The following VCL variants were observed in gnomAD, a reference collection of about 807,000 sequenced individuals.
The protein encoded by VCL is epididymis luminal protein 114.
VCL carries 47 observed loss-of-function variants against 125.7 expected under a neutral mutation model. The observed-to-expected ratio is 0.37, with a 90% CI of 0.30 to 0.48. The LOEUF is 0.48. VCL is among the 20% of genes least tolerant of loss of function. The probability of loss-of-function intolerance (pLI) is 0.99; values close to 1 mark genes in which losing one functional copy is unlikely to be tolerated. For synonymous variants in VCL, 458 were observed against 514.6 expected (o/e 0.89, Z 1.49); for missense variants, 1,069 against 1,455.5 (o/e 0.73, Z 4.32).
Position 74,008,774 on chromosome 10 carries a change from A to G in VCL, c.168+10399A>G, listed in dbSNP as rs114715089. On this transcript the variant is annotated intron_variant, in intron 1 of 21. Coordinates refer to ENST00000211998, the MANE Select transcript of VCL (RefSeq NM_014000.3). ...AGAAGTAGCAGTCTTTAATGAGCAA[A>G]TATCAGAGATTAGCTGCTTTCTTTG... Among the ~76,000 whole-genome samples, 495 of 152,360 alleles carry G rather than the reference A, an allele frequency of 3.2e-3. 2 individuals are homozygous for G. The highest frequency in any genetic ancestry group is 0.011 in the African/African-American group (470 of 41,576).
rs1839932428 is a variant in VCL at position 74,094,324 on chromosome 10, CCCTGCAGAA to C, written c.1415_1423del (p.Asn472_Gln474del). 2 of 1,614,030 alleles carry C rather than the reference CCCTGCAGAA, an allele frequency of 1.2e-6. No homozygotes were observed. The highest frequency in any genetic ancestry group is 8.5e-7 in the Non-Finnish European group (1 of 1,180,030). On this transcript the variant is annotated inframe_deletion, in exon 11 of 22. Coordinates refer to ENST00000211998, the MANE Select transcript of VCL (RefSeq NM_014000.3). Reference sequence around the variant, plus strand: ...GCCTTGGCCAAACAGGTGGCCACGGCCCTGCAGAACCTGCAGACCAAAACCAACCGGGCT... The same window carrying C: ...GCCTTGGCCAAACAGGTGGCCACGGCCCTGCAGACCAAAACCAACCGGGCT...
chr10:74,031,746 C>T (rs1032551244), intron 1 of VCL, among the ~76,000 whole-genome samples: 11 of 152,064 alleles, frequency 7.2e-5, no homozygotes, highest in Non-Finnish European at 1.5e-5. Flanking sequence ...TGGTGAAACC[C>T]TGTCTCTACA....
chr10:74,117,747 C>A (rs1840332681), intron 21 of VCL, among the ~76,000 whole-genome samples: 1 of 152,164 alleles, frequency 6.6e-6, no homozygotes, highest in South Asian at 2.1e-4. Context: ...AAAGAGCAGT[C>A]CAGGTACAGG....
chr10:74,114,097 T>C (rs773527965), intron 19 of VCL, 87 bp from the exon 20 acceptor site: 15 of 1,528,556 alleles, frequency 9.8e-6, no homozygotes, highest in Non-Finnish European at 1.3e-5. Context: ...GGTGGCAAGC[T>C]CCCTCCTCTT....
At chr10:74,030,231 A>G (rs1840849378) in intron 1 of VCL, among the ~76,000 whole-genome samples, 3 of 152,244 alleles carry the variant, frequency 2.0e-5, no homozygotes, top group South Asian at 2.1e-4. Context: ...AGTTACTACC[A>G]TCTTCAACTT....
At chr10:74,022,463 T>C (rs1048016299) in intron 1 of VCL, among the ~76,000 whole-genome samples, 7 of 151,450 alleles carry the variant, frequency 4.6e-5, no homozygotes, top group African/African-American at 1.5e-4. Flanking sequence ...GGAGAATTGC[T>C]TGAACCCAGG....
At position 74,103,815 on chromosome 10, in the gene VCL, G is replaced by T. The variant is rs370779741; in HGVS notation, c.2023-5G>T. 1.2e-6 allele frequency: 2 copies of T among 1,613,812 alleles called. No homozygotes were observed. Among genetic ancestry groups the T allele is most frequent in the African/African-American group, 2.7e-5 (2 of 74,918 alleles). On this transcript the variant is annotated splice_polypyrimidine_tract_variant and splice_region_variant and intron_variant, in intron 14 of 21. Coordinates refer to ENST00000211998, the MANE Select transcript of VCL (RefSeq NM_014000.3). ...TGGTGTTTAAAGGTGTTTTGTCATTGTCAGGTGGTCTCGGCTGCTCGTATC... is the reference window on the plus strand; with the variant it reads ...TGGTGTTTAAAGGTGTTTTGTCATTTTCAGGTGGTCTCGGCTGCTCGTATC...
intron 1 of VCL, among the ~76,000 whole-genome samples, chr10:74,014,071 T>C (rs1840489266): frequency 6.6e-6 from 1 of 152,220 alleles, no homozygotes; most frequent in African/African-American, 2.4e-5. Flanking sequence ...TTTCCCATGA[T>C]TAAAGATAGA....
chr10:74,109,893 C>A (rs1045856412), intron 18 of VCL, among the ~76,000 whole-genome samples: 1 of 151,912 alleles, frequency 6.6e-6, no homozygotes, highest in Non-Finnish European at 1.5e-5. Flanking sequence ...GACCCTAGAT[C>A]TTTTTTTTAA....
Position 74,118,073 on chromosome 10 carries a change from G to A in VCL, c.3309G>A (p.Lys1103=). ...CCCAGAACCTCATGCAGTCTGTGAA[G>A]GAGACTGTGCGGGAAGCTGAAGCTG... ...HNAQNLMQSV[K]ETVREAEAAS... Residue 1103 remains lysine, a synonymous_variant, in exon 22 of 22, where the codon AAG becomes AAA. Coordinates refer to ENST00000211998, the MANE Select transcript of VCL (RefSeq NM_014000.3). The A allele has an allele frequency of 6.2e-7, 1 of 1,614,190 alleles. No homozygotes were observed. The highest frequency in any genetic ancestry group is 8.5e-7 in the Non-Finnish European group (1 of 1,180,022).
chr10:74,100,598 G>A (rs1375728990), intron 13 of VCL, among the ~76,000 whole-genome samples: 1 of 152,174 alleles, frequency 6.6e-6, no homozygotes, highest in Non-Finnish European at 1.5e-5. Context: ...TAGAAGATAA[G>A]CTTTTGAGAA....
At chr10:74,054,456 A>T (rs573887838) in intron 2 of VCL, among the ~76,000 whole-genome samples, 9 of 152,166 alleles carry the variant, frequency 5.9e-5, no homozygotes, top group Middle Eastern at 3.4e-3. Context: ...TCTTCTTTTA[A>T]TCTACATCCT....
intron 8 of VCL, among the ~76,000 whole-genome samples, chr10:74,085,401 TA>T (rs1009250954): frequency 1.8e-4 from 28 of 152,286 alleles, no homozygotes; most frequent in African/African-American, 6.0e-4. Context: ...TTTCACCTCA[TA>T]AAAAAATCAT....
intron 1 of VCL, among the ~76,000 whole-genome samples, chr10:74,034,233 A>C (rs1302362331): frequency 6.6e-6 from 1 of 152,198 alleles, no homozygotes; most frequent in Non-Finnish European, 1.5e-5. Context: ...CATTGCTTAG[A>C]GGATAAGTCT....
At chr10:74,110,016 A>C (rs1027085708) in intron 18 of VCL, among the ~76,000 whole-genome samples, 1 of 152,034 alleles carries the variant, frequency 6.6e-6, no homozygotes, top group African/African-American at 2.4e-5. Flanking sequence ...GACCTCCTGC[A>C]CCTGCAGCTG....
In VCL at chr10:74,114,401, G is replaced by T. The variant is rs772686370; in HGVS notation, c.3153+14G>T. The T allele has an allele frequency of 2.5e-6, 4 of 1,604,936 alleles. No individual in the cohort carries two copies. In the South Asian group the frequency reaches 4.4e-5, roughly 18 times the overall value. On this transcript the variant is annotated intron_variant, in intron 20 of 21. Transcript: ENST00000211998. ...AACCTCTTACAGGTACTCGGGGAAA[G>T]AGGCTGCGTGTGTGTGTGTGTGTGT... is the stretch of plus-strand genomic sequence containing the variant.
chr10:74,100,004 G>A (rs1188455071), intron 13 of VCL, among the ~76,000 whole-genome samples: 1 of 152,192 alleles, frequency 6.6e-6, no homozygotes, highest in Non-Finnish European at 1.5e-5. Flanking sequence ...TTAGGCAGAA[G>A]TTGACAAAAA....
chr10:74,096,105 ATATCATCTGTACT>A (rs1289999972), intron 12 of VCL, among the ~76,000 whole-genome samples: 2 of 151,220 alleles, frequency 1.3e-5, no homozygotes, highest in African/African-American at 4.9e-5. Flanking sequence ...CTCTATCCAC[ATATCATCTGTACT>A]TTTATTTAGC....
chr10:74,002,979 G>A (rs1426334669), intron 1 of VCL, among the ~76,000 whole-genome samples: 1 of 150,482 alleles, frequency 6.6e-6, no homozygotes, highest in African/African-American at 2.5e-5. Context: ...AAGTAGTCTG[G>A]TCACTGATAT....
Sources: gnomAD v4.1 joint callset for allele counts (sites outside exome capture counted in the v4.1 genomes callset) on GRCh38, gnomAD v4.1.1 for gene constraint, MANE v1.5 for transcripts, NCBI Gene and HGNC (gene_info 2026-07-23, HGNC 2026-07-21) for gene names.